Variants in AFF3 observed in about 807,000 individuals in gnomAD.
AFF3 encodes ALF transcription elongation factor 3, also known as AF4/FMR2 family member 3.
AFF3 carries 32 observed loss-of-function variants against 129.7 expected under a neutral mutation model. The observed-to-expected ratio is 0.25, with a 90% CI of 0.19 to 0.33. The LOEUF (loss-of-function observed/expected upper bound fraction) is 0.33, where lower values mean the gene tolerates loss of function less well. AFF3 is among the 10% of genes least tolerant of loss of function. AFF3 has a pLI of 1.00. For missense variants in AFF3, 1,373 were observed against 1,592.0 expected, an observed-to-expected ratio of 0.86 and a Z score of 2.34; for synonymous variants, 644 against 635.4, an observed-to-expected ratio of 1.01 and a Z score of -0.20.
intron 8 of AFF3, among the ~76,000 whole-genome samples, chr2:99,784,130 AG>A (rs1684608425): frequency 6.6e-6 from 1 of 152,180 alleles, no homozygotes; most frequent in South Asian, 2.1e-4. Context: ...AGTGATTAGC[AG>A]GGGGGTTAAG....
At chr2:99,693,425 T>C (rs1430791338) in intron 11 of AFF3, among the ~76,000 whole-genome samples, 2 of 152,236 alleles carry the variant, frequency 1.3e-5, no homozygotes, top group Admixed American at 1.3e-4. Context: ...AAATAGTTGA[T>C]ATACTATTAG....
rs569019456 is a variant in AFF3, at chr2:100,077,019, C to T, written c.53+27383G>A. ...ATCCTAGCACTTTGGAAGGTCAAGG[C>T]AGGTGGATCACTTGAGGCCAGGAGC... On this transcript the variant is annotated intron_variant, in intron 4 of 24. Transcript: ENST00000672756. Among the ~76,000 whole-genome samples the T allele has an allele frequency of 3.4e-4, 51 of 152,224 alleles. 2 individuals are homozygous for T. In the East Asian group the frequency reaches 7.4e-3, roughly 22 times the overall value.
intron 13 of AFF3, among the ~76,000 whole-genome samples, chr2:99,623,753 G>T (rs549790521): frequency 3.0e-4 from 46 of 152,298 alleles, no homozygotes; most frequent in African/African-American, 1.0e-3. Context: ...GGGCCTGTGA[G>T]CCCTGTCCTG....
chr2:99,595,674 A>C (rs955181618), intron 14 of AFF3, among the ~76,000 whole-genome samples: 2 of 152,204 alleles, frequency 1.3e-5, no homozygotes, highest in Non-Finnish European at 2.9e-5. Flanking sequence ...AGCAGAACTC[A>C]GGGCTCTTGG....
chr2:99,849,408 G>GACAAA (rs897145203), intron 7 of AFF3, among the ~76,000 whole-genome samples: 4 of 152,118 alleles, frequency 2.6e-5, no homozygotes, highest in African/African-American at 9.7e-5. Context: ...AATCACCAGA[G>GACAAA]GTTGTGTGGC....
In AFF3 at chr2:99,993,426, T is replaced by G. The variant is rs1481430148; in HGVS notation, c.873+13206A>C. ...GAGATTATAATTAAAATCTTGTAAA[T>G]TCTCAGAAAAGAATAATTTAAGTAA... is the stretch of plus-strand genomic sequence containing the variant. On this transcript the variant is annotated intron_variant, in intron 7 of 24. Transcript: ENST00000672756. 7.2e-5 allele frequency among the ~76,000 whole-genome samples: 11 copies of G among 152,058 alleles called. 1 individual carries two copies. The highest frequency in any genetic ancestry group is 7.2e-4 in the Admixed American group (11 of 15,260).
intron 7 of AFF3, among the ~76,000 whole-genome samples, chr2:99,856,823 G>A (rs1690567056): frequency 2.0e-5 from 3 of 152,030 alleles, no homozygotes; most frequent in Admixed American, 6.6e-5. Context: ...GTATGTTAAT[G>A]TTATTCATAT....
intron 11 of AFF3, among the ~76,000 whole-genome samples, chr2:99,690,045 C>T (rs543575819): frequency 1.0e-4 from 15 of 150,348 alleles, no homozygotes; most frequent in East Asian, 1.0e-3. Context: ...CGAGATCACA[C>T]GACTGCACTC....
chr2:99,761,101 CA>C lies in AFF3; in HGVS notation c.922-8801del, dbSNP rs570304010. On this transcript the variant is annotated intron_variant, in intron 8 of 24. Coordinates refer to ENST00000672756, the MANE Select transcript of AFF3 (RefSeq NM_001386135.1). ...ACTCCAGGTGATGGAACTGAGAATC[CA>C]CGTATCTGCCTCAACACAGCATCGC... Among the ~76,000 whole-genome samples the C allele has an allele frequency of 4.1e-4, 63 of 151,958 alleles. 1 individual carries two copies. In the South Asian group the frequency reaches 0.013, roughly 31 times the overall value.
intron 8 of AFF3, among the ~76,000 whole-genome samples, chr2:99,792,783 A>G (rs1474441382): frequency 6.6e-6 from 1 of 152,186 alleles, no homozygotes; most frequent in Non-Finnish European, 1.5e-5. Flanking sequence ...TGATTTTTGT[A>G]CGTTAAACCT....
At chr2:99,596,035 T>C (rs553373440) in intron 14 of AFF3, among the ~76,000 whole-genome samples, 93 of 152,336 alleles carry the variant, frequency 6.1e-4, no homozygotes, top group South Asian at 3.9e-3. Context: ...AAGCCCATCC[T>C]GGAGTGCAGG....
chr2:100,012,910 T>C (rs576185322), intron 4 of AFF3, among the ~76,000 whole-genome samples: 1 of 152,300 alleles, frequency 6.6e-6, no homozygotes, highest in Admixed American at 6.5e-5. Context: ...CCTATTTCCA[T>C]AAAAATTACA....
Position 99,550,410 on chromosome 2 carries a change from T to C in AFF3, c.*1064A>G, listed in dbSNP as rs1674326557. On this transcript the variant is annotated 3_prime_UTR_variant, in exon 25 of 25. Transcript: ENST00000672756. ...ATGAGGAGTGAGAGAATCAGCATTA[T>C]CATGGCAAATAGCTCTCAGCCTGGT... 1.7e-5 allele frequency: 4 copies of C among 230,674 alleles called. No individual in the cohort carries two copies. The highest frequency in any genetic ancestry group is 2.6e-3 in the Middle Eastern group (2 of 766). The allele number at this position is 230,674 out of a possible 1,614,324, so 14.3% of individuals were successfully genotyped here.
chr2:99,978,429 C>A (rs1262840014), intron 7 of AFF3, among the ~76,000 whole-genome samples: 1 of 152,152 alleles, frequency 6.6e-6, no homozygotes, highest in African/African-American at 2.4e-5. Flanking sequence ...AAACCCAATG[C>A]ATCAATAAGA....
intron 4 of AFF3, among the ~76,000 whole-genome samples, chr2:100,092,056 C>G (rs1425543985): frequency 6.6e-6 from 1 of 151,742 alleles, no homozygotes; most frequent in African/African-American, 2.4e-5. Context: ...TCACCAGCAC[C>G]TGTATGCTGA....
chr2:99,677,619 C>A (rs372598990), intron 11 of AFF3, among the ~76,000 whole-genome samples: 4 of 152,106 alleles, frequency 2.6e-5, no homozygotes, highest in African/African-American at 7.2e-5. Context: ...GCAGGGAGAG[C>A]GGGCCTTGCA....
intron 7 of AFF3, among the ~76,000 whole-genome samples, chr2:99,905,484 T>C (rs554611806): frequency 8.9e-4 from 136 of 152,290 alleles, no homozygotes; most frequent in Non-Finnish European, 1.1e-3. Flanking sequence ...TCAGCTACAG[T>C]TTCTTCTCTT....
intron 8 of AFF3, among the ~76,000 whole-genome samples, chr2:99,785,153 C>T (rs1169906108): frequency 6.6e-6 from 1 of 152,190 alleles, no homozygotes; most frequent in African/African-American, 2.4e-5. Context: ...GTTCCAGTTA[C>T]TGCAGGTCAG....
chr2:99,597,888 A>G (rs1679446151), intron 14 of AFF3, among the ~76,000 whole-genome samples: 1 of 152,180 alleles, frequency 6.6e-6, no homozygotes, highest in Non-Finnish European at 1.5e-5. Flanking sequence ...CCAGCTCTCC[A>G]TCATGCACTC....
Sources: allele counts gnomAD v4.1 joint callset (sites outside exome capture counted in the v4.1 genomes callset), GRCh38; gene constraint gnomAD v4.1.1; transcripts MANE v1.5; gene names NCBI Gene and HGNC (gene_info 2026-07-23, HGNC 2026-07-21).